The following FRMD4B variants were observed in gnomAD, a reference collection of about 807,000 sequenced individuals.
FRMD4B encodes the protein FERM domain-containing protein 4B.
In FRMD4B, 74 loss-of-function variants were observed where a neutral mutation model predicts 141.5. The observed-to-expected ratio is 0.52, with a 90% confidence interval of 0.43 to 0.63. The LOEUF is 0.63. Among genes scored for constraint, FRMD4B ranks in the 30% least tolerant of loss-of-function variants. The pLI is 0.00. For synonymous variants in FRMD4B, 506 were observed against 467.9 expected (o/e 1.08, Z -1.05); for missense variants, 1,366 against 1,253.4 (o/e 1.09, Z -1.36).
At chr3:69,257,253 G>A (rs1199641575) in intron 5 of FRMD4B, among the ~76,000 whole-genome samples, 1 of 152,152 alleles carries the variant, frequency 6.6e-6, no homozygotes, top group Non-Finnish European at 1.5e-5. Context: ...TACTCCACTG[G>A]CTTATGTTGA....
chr3:69,479,995 G>T (rs554757639), intron 1 of FRMD4B, among the ~76,000 whole-genome samples: 1 of 152,132 alleles, frequency 6.6e-6, no homozygotes, highest in East Asian at 1.9e-4. Flanking sequence ...CCAGTTGATT[G>T]CATCTGCTCC....
At chr3:69,395,879 C>T (rs958034435) in intron 2 of FRMD4B, among the ~76,000 whole-genome samples, 1 of 152,114 alleles carries the variant, frequency 6.6e-6, no homozygotes, top group Admixed American at 6.5e-5. Flanking sequence ...GAACTGCATG[C>T]TTTGGTCTTG....
chr3:69,463,899 C>G (rs1445220316), intron 1 of FRMD4B, among the ~76,000 whole-genome samples: 5 of 152,032 alleles, frequency 3.3e-5, no homozygotes, highest in African/African-American at 1.2e-4. Context: ...AGAGATCCAC[C>G]CAGTAGAAAG....
At chr3:69,306,603 A>AGG (rs1457855678) in intron 3 of FRMD4B, 1 of 152,230 alleles carries the variant, frequency 6.6e-6, no homozygotes, top group East Asian at 1.9e-4. Flanking sequence ...GGCCCTAACA[A>AGG]GCGTAATCTC....
intron 11 of FRMD4B, among the ~76,000 whole-genome samples, chr3:69,210,972 C>T (rs140507842): frequency 1.4e-4 from 18 of 128,782 alleles, no homozygotes; most frequent in African/African-American, 4.5e-4. Context: ...GAGCTGAGCT[C>T]GTGCCATTGC....
chr3:69,399,449 G>A (rs1018160327), intron 2 of FRMD4B, among the ~76,000 whole-genome samples: 2 of 152,100 alleles, frequency 1.3e-5, no homozygotes, highest in African/African-American at 4.8e-5. Context: ...TTCTATCTGC[G>A]GTGAAGTCTC....
chr3:69,177,457 C>T (rs1017822672), intron 21 of FRMD4B, among the ~76,000 whole-genome samples: 5 of 152,004 alleles, frequency 3.3e-5, no homozygotes, highest in African/African-American at 1.2e-4. Context: ...CAAGGCTAGC[C>T]TCAGCAACAT....
chr3:69,382,523 T>C (rs1452868418), intron 1 of FRMD4B, among the ~76,000 whole-genome samples: 1 of 152,358 alleles, frequency 6.6e-6, no homozygotes, highest in East Asian at 1.9e-4. Context: ...TCTGTTTATA[T>C]ATTGCATGTA....
chr3:69,358,774 C>A (rs1360426299), intron 1 of FRMD4B, among the ~76,000 whole-genome samples: 1 of 152,038 alleles, frequency 6.6e-6, no homozygotes, highest in African/African-American at 2.4e-5. Flanking sequence ...AGAAGTGGGA[C>A]CTTCAAGACA....
chr3:69,524,948 A>T (rs1411882817), intron 1 of FRMD4B, among the ~76,000 whole-genome samples: 1 of 152,224 alleles, frequency 6.6e-6, no homozygotes, highest in Non-Finnish European at 1.5e-5. Context: ...TGCAGATTGC[A>T]TCACAGGAAG....
At chr3:69,503,307 T>C (rs1706533946) in intron 1 of FRMD4B, among the ~76,000 whole-genome samples, 1 of 152,026 alleles carries the variant, frequency 6.6e-6, no homozygotes, top group Non-Finnish European at 1.5e-5. Flanking sequence ...AATGATAGAC[T>C]GGATTAAGAA....
At chr3:69,368,682 G>A (rs917676408) in intron 1 of FRMD4B, among the ~76,000 whole-genome samples, 3 of 152,140 alleles carry the variant, frequency 2.0e-5, no homozygotes, top group Non-Finnish European at 4.4e-5. Flanking sequence ...CCAATAATGT[G>A]GGAGCTTCAG....
rs964318238 is a variant in FRMD4B at position 69,528,060 on chromosome 3, C to A, written c.-129+14146G>T. Among the ~76,000 whole-genome samples the A allele has an allele frequency of 2.6e-5, 4 of 152,162 alleles. No individual in the cohort carries two copies. The South Asian group carries it at 8.3e-4, about 32-fold the overall frequency. ...TTACTTATACAAGAAGATAGAATCT[C>A]ATTCTTCCAGAAACCCACAGCCCAT... On this transcript the variant is annotated intron_variant, in intron 1 of 5. Transcript: ENST00000459638.
chr3:69,285,239 C>T (rs977936771), intron 5 of FRMD4B, among the ~76,000 whole-genome samples: 2 of 122,532 alleles, frequency 1.6e-5, no homozygotes, highest in South Asian at 5.5e-4. Context: ...GATTAGATTG[C>T]AAAAAACAGA....
intron 7 of FRMD4B, among the ~76,000 whole-genome samples, chr3:69,245,275 C>G (rs2093414779): frequency 6.6e-6 from 1 of 152,086 alleles, no homozygotes; most frequent in Non-Finnish European, 1.5e-5. Flanking sequence ...GCTCTAACCA[C>G]TACAACATTG....
intron 1 of FRMD4B, among the ~76,000 whole-genome samples, chr3:69,492,530 G>A (rs1434875055): frequency 6.6e-6 from 1 of 152,194 alleles, no homozygotes; most frequent in Non-Finnish European, 1.5e-5. Context: ...AAGAAGGCAT[G>A]AGATATATCT....
At chr3:69,256,250 C>T (rs1245978556) in intron 5 of FRMD4B, among the ~76,000 whole-genome samples, 2 of 152,054 alleles carry the variant, frequency 1.3e-5, no homozygotes, top group South Asian at 2.1e-4. Context: ...GTTTAACTCA[C>T]ATCTCATTTC....
chr3:69,400,392 A>T (rs1704543682), intron 2 of FRMD4B, among the ~76,000 whole-genome samples: 2 of 152,118 alleles, frequency 1.3e-5, no homozygotes, highest in Admixed American at 1.3e-4. Flanking sequence ...TCAAGAAAAA[A>T]AAAAAGTGTA....
rs1401603724 is a variant in FRMD4B, at chr3:69,168,959, T to C, written c.*2902A>G. ...CTTTATGAGGTAGATCAGTATGTCTTGATACAGAGGCCCAAGATATATTAG... is the reference window on the plus strand; with the variant it reads ...CTTTATGAGGTAGATCAGTATGTCTCGATACAGAGGCCCAAGATATATTAG... On this transcript the variant is annotated 3_prime_UTR_variant, in exon 23 of 23. Coordinates refer to ENST00000398540, the MANE Select transcript of FRMD4B (RefSeq NM_015123.3). Among the ~76,000 whole-genome samples the C allele has an allele frequency of 6.6e-6, 1 of 151,350 alleles. No individual in the cohort carries two copies. Among genetic ancestry groups the C allele is most frequent in the Non-Finnish European group, 1.5e-5 (1 of 67,860 alleles).
Sources: gnomAD v4.1 joint callset for allele counts (sites outside exome capture counted in the v4.1 genomes callset) on GRCh38, gnomAD v4.1.1 for gene constraint, MANE v1.5 for transcripts, NCBI Gene and HGNC (gene_info 2026-07-23, HGNC 2026-07-21) for gene names.